The following CSMD1 variants were observed in gnomAD, a reference collection of about 807,000 sequenced individuals.
CSMD1 encodes the protein CUB and Sushi multiple domains 1.
Under a neutral mutation model 417.5 loss-of-function variants are expected in CSMD1, and 213 were observed. The ratio of observed to expected loss-of-function variants is 0.51; its 90% CI spans 0.46 to 0.57. CSMD1 has a LOEUF of 0.57. CSMD1 is among the 20% of genes least tolerant of loss of function. The pLI, the probability that CSMD1 is intolerant of heterozygous loss-of-function variation, is 0.00. For missense variants in CSMD1, 6,923 were observed against 4,529.7 expected, an observed-to-expected ratio of 1.53 and a Z score of -15.17; for synonymous variants, 2,862 against 1,736.8, an observed-to-expected ratio of 1.65 and a Z score of -16.11.
chr8:3,846,796 C>T, intron 5 of CSMD1, among the ~76,000 whole-genome samples: 1 of 152,234 alleles, frequency 6.6e-6, no homozygotes, highest in Middle Eastern at 3.4e-3. Context: ...GTCTCAGCCT[C>T]CCAAGTAGCT....
intron 1 of CSMD1, among the ~76,000 whole-genome samples, chr8:4,917,280 C>T (rs895945320): frequency 1.3e-5 from 2 of 152,170 alleles, no homozygotes; most frequent in Non-Finnish European, 2.9e-5. Flanking sequence ...TTAAAAACCA[C>T]CCCCACGATC....
chr8:4,372,583 C>T (rs1344155594), intron 3 of CSMD1, among the ~76,000 whole-genome samples: 2 of 149,860 alleles, frequency 1.3e-5, no homozygotes, highest in Non-Finnish European at 3.0e-5. Context: ...GTTTGAGGTA[C>T]ACTTAAAACA....
intron 3 of CSMD1, among the ~76,000 whole-genome samples, chr8:4,060,751 T>C (rs899435359): frequency 1.9e-4 from 29 of 152,138 alleles, no homozygotes; most frequent in African/African-American, 5.8e-4. Flanking sequence ...CAGCTATTCA[T>C]GTTATTCTAC....
At chr8:3,588,667 G>C (rs780751334) in intron 8 of CSMD1, among the ~76,000 whole-genome samples, 4 of 151,934 alleles carry the variant, frequency 2.6e-5, no homozygotes, top group Admixed American at 6.6e-5. Context: ...TCTGTTTTGA[G>C]AAAAACAATC....
intron 3 of CSMD1, among the ~76,000 whole-genome samples, chr8:4,233,345 G>C (rs10108686): frequency 2.0e-5 from 3 of 152,046 alleles, no homozygotes; most frequent in African/African-American, 7.3e-5. Flanking sequence ...CATATTAAAA[G>C]TACCTACATT....
chr8:3,104,991 C>A (rs1585360399), intron 46 of CSMD1, among the ~76,000 whole-genome samples: 2 of 152,216 alleles, frequency 1.3e-5, no homozygotes, highest in African/African-American at 4.8e-5. Flanking sequence ...CAGGCGTGCG[C>A]CACCGCGCCC....
chr8:3,963,969 T>C (rs1246546020), intron 5 of CSMD1, among the ~76,000 whole-genome samples: 5 of 152,208 alleles, frequency 3.3e-5, no homozygotes, highest in African/African-American at 4.8e-5. Context: ...GATTTAAAGG[T>C]ATTAAGTCAA....
chr8:4,789,509 C>T (rs1365204861), intron 1 of CSMD1, among the ~76,000 whole-genome samples: 1 of 152,146 alleles, frequency 6.6e-6, no homozygotes, highest in Non-Finnish European at 1.5e-5. Flanking sequence ...AAAGCCACCT[C>T]ACCTATATAA....
At chr8:4,178,886 C>G (rs1798199951) in intron 3 of CSMD1, among the ~76,000 whole-genome samples, 1 of 152,120 alleles carries the variant, frequency 6.6e-6, no homozygotes. Context: ...AGAAGGACCT[C>G]TTCAAGGAGA....
At chr8:3,560,613 G>C (rs769402484) in intron 10 of CSMD1, among the ~76,000 whole-genome samples, 1 of 152,154 alleles carries the variant, frequency 6.6e-6, no homozygotes, top group Non-Finnish European at 1.5e-5. Context: ...TAGAGAAAAG[G>C]GGGAATGAGA....
chr8:4,444,551 G>A (rs914852239), intron 2 of CSMD1, among the ~76,000 whole-genome samples: 1 of 151,872 alleles, frequency 6.6e-6, no homozygotes, highest in Non-Finnish European at 1.5e-5. Flanking sequence ...CCATCTTTTA[G>A]GGGTTTTCTA....
chr8:3,956,484 T>G (rs148942021), intron 5 of CSMD1, among the ~76,000 whole-genome samples: 334 of 152,290 alleles, frequency 2.2e-3, no homozygotes, highest in African/African-American at 7.7e-3. Flanking sequence ...CGTACATTCC[T>G]AAAGAGATTG....
At chr8:3,684,596 CTTTTTTT>C (rs141663569) in intron 7 of CSMD1, among the ~76,000 whole-genome samples, 2 of 127,940 alleles carry the variant, frequency 1.6e-5, no homozygotes, top group African/African-American at 2.9e-5. Flanking sequence ...CTGATACAGT[CTTTTTTT>C]TTTTTTTTTT....
chr8:4,692,445 T>C (rs989475844), intron 1 of CSMD1, among the ~76,000 whole-genome samples: 3 of 152,186 alleles, frequency 2.0e-5, no homozygotes, highest in Admixed American at 6.5e-5. Flanking sequence ...TAGACCGTCC[T>C]TGAAGCTCCT....
chr8:3,717,710 G>T (rs930787876), intron 6 of CSMD1, among the ~76,000 whole-genome samples: 11 of 152,134 alleles, frequency 7.2e-5, no homozygotes, highest in Admixed American at 5.2e-4. Context: ...AATATTGGTA[G>T]AATAAAAATA....
intron 1 of CSMD1, among the ~76,000 whole-genome samples, chr8:4,771,380 T>C (rs1003633989): frequency 1.1e-4 from 16 of 152,342 alleles, no homozygotes; most frequent in African/African-American, 2.2e-4. Context: ...TTCAGGGAAA[T>C]TGCATTGCTA....
chr8:3,789,424 T>C (rs1337441283), intron 5 of CSMD1, among the ~76,000 whole-genome samples: 38 of 128,438 alleles, frequency 3.0e-4, no homozygotes, highest in African/African-American at 1.1e-3. Context: ...TTTTTTTAAG[T>C]AGTGTTTTTT....
intron 2 of CSMD1, among the ~76,000 whole-genome samples, chr8:4,448,563 C>G (rs1264797855): frequency 6.6e-6 from 1 of 152,172 alleles, no homozygotes; most frequent in Non-Finnish European, 1.5e-5. Flanking sequence ...TGAAATCTAA[C>G]ATTTTTCCTT....
At chr8:3,284,423 C>T (rs1802988560) in intron 25 of CSMD1, 77 bp from the exon 26 acceptor site, 8 of 1,111,506 alleles carry the variant, frequency 7.2e-6, no homozygotes, top group Non-Finnish European at 9.3e-6. Context: ...AGTAAGCAAG[C>T]TCATTTCGCT....
Sources: gnomAD v4.1 joint callset for allele counts (sites outside exome capture counted in the v4.1 genomes callset) on GRCh38, gnomAD v4.1.1 for gene constraint, MANE v1.5 for transcripts, NCBI Gene and HGNC (gene_info 2026-07-23, HGNC 2026-07-21) for gene names.